The following HSPG2 variants were observed in gnomAD, a reference collection of about 807,000 sequenced individuals.
The protein encoded by HSPG2 is basement membrane-specific heparan sulfate proteoglycan core protein.
A neutral mutation model predicts 526.6 loss-of-function variants in HSPG2; 278 were observed. The observed-to-expected ratio is 0.53, with a 90% confidence interval of 0.48 to 0.58. The LOEUF is 0.58. Ranked by LOEUF, HSPG2 falls within the 20% of genes least tolerant of loss-of-function variation. HSPG2 has a pLI of 0.00. For missense variants in HSPG2, 5,354 were observed against 6,099.5 expected, an observed-to-expected ratio of 0.88 and a Z score of 4.07; for synonymous variants, 2,465 against 2,555.4, an observed-to-expected ratio of 0.96 and a Z score of 1.07.
chr1:21,829,279 C>T (rs891376306), intron 87 of HSPG2, 104 bp downstream of exon 87: 11 of 1,417,904 alleles, frequency 7.8e-6, no homozygotes, highest in African/African-American at 1.4e-5. Flanking sequence ...GGGGACTTGC[C>T]CTGATCCCTG....
chr1:21,908,944 T>C (rs1643522898), intron 1 of HSPG2, among the ~76,000 whole-genome samples: 1 of 152,036 alleles, frequency 6.6e-6, no homozygotes, highest in Non-Finnish European at 1.5e-5. Context: ...CCGTCTCTAC[T>C]AAAAAATACA....
Position 21,872,749 on chromosome 1 carries a change from T to C in HSPG2, c.3900A>G (p.Glu1300=), listed in dbSNP as rs1396397884. The change falls in exon 32 of 97, where the codon GAA becomes GAG. Residue 1300 remains glutamate, a synonymous_variant. Coordinates refer to ENST00000374695, the MANE Select transcript of HSPG2 (RefSeq NM_005529.7). The surrounding 1 kb of genome is among the most constrained non-coding windows in gnomAD (Gnocchi z 5.5). The part of the protein sequence containing the change: ...AGQCQCKAQV[E]GLTCSHCRPH... The stretch of plus-strand genomic sequence containing the variant: ...GCCGGCAGTGGCTGCAAGTGAGGCC[T>C]TCCACCTGGGCCTGGGTAGACGGAT... 6 of 1,609,278 alleles carry C rather than the reference T, an allele frequency of 3.7e-6. No homozygotes were observed. The highest frequency in any genetic ancestry group is 3.4e-6 in the Non-Finnish European group (4 of 1,178,574).
At position 21,827,044 on chromosome 1, in the gene HSPG2, C is replaced by T. The variant is rs559880142; in HGVS notation, c.12589+819G>A. ...CCAACATGGTGAAACCCCATCCCTA[C>T]AAAAAATACAAAAATTAGCGGGGTG... On this transcript the variant is annotated intron_variant, in intron 91 of 96. Coordinates refer to ENST00000374695, the MANE Select transcript of HSPG2 (RefSeq NM_005529.7). Among the ~76,000 whole-genome samples the T allele has an allele frequency of 1.7e-3, 259 of 151,906 alleles. 1 individual carries two copies. The highest frequency in any genetic ancestry group is 4.8e-3 in the African/African-American group (201 of 41,450).
At chr1:21,910,561 A>G (rs115215156) in intron 1 of HSPG2, among the ~76,000 whole-genome samples, 235 of 152,356 alleles carry the variant, frequency 1.5e-3, no homozygotes, top group African/African-American at 5.4e-3. Flanking sequence ...TAGGATGAGT[A>G]GTGTCTCTCC....
chr1:21,889,561 G>A (rs1332131165), intron 6 of HSPG2, among the ~76,000 whole-genome samples: 1 of 150,532 alleles, frequency 6.6e-6, no homozygotes, highest in African/African-American at 2.5e-5. Flanking sequence ...CTGGGCCTCA[G>A]TTCCCTCGTC....
Position 21,887,625 on chromosome 1 carries a change from C to G in HSPG2, c.753G>C (p.Thr251=), listed in dbSNP as rs373509276. Residue 251 remains threonine, a synonymous_variant, in exon 8 of 97, where the codon ACG becomes ACC. Transcript: ENST00000374695. The surrounding 1 kb of genome is among the most constrained non-coding windows in gnomAD (Gnocchi z 5.0). ...ISPTFSLLVE[T]TSLPPRPETT... is the part of the protein sequence containing the mutation. ...TCTCTGGCCGGGGCGGTAAAGATGT[C>G]GTCTCCACAAGGAGAGAGAATGTGG... 23 of 1,613,840 alleles carry G rather than the reference C, an allele frequency of 1.4e-5. No individual in the cohort carries two copies. In the African/African-American group the frequency reaches 2.8e-4, roughly 20 times the overall value.
intron 69 of HSPG2, 25 bp from the exon 70 acceptor site, chr1:21,841,698 G>C: frequency 6.2e-7 from 1 of 1,613,716 alleles, no homozygotes; most frequent in Non-Finnish European, 8.5e-7. Context: ...GGGGGAGGGT[G>C]AGAGAGGATT....
Position 21,859,962 on chromosome 1 carries a change from T to G in HSPG2, c.5055A>C (p.Arg1685=). ...GGGAGCCACCTTGGGGCACTATGCTTCGAGCAGGATGGACCTCGACCACCA... is the reference window on the plus strand; with the variant it reads ...GGGAGCCACCTTGGGGCACTATGCTGCGAGCAGGATGGACCTCGACCACCA... ...APLVVEVHPA[R]SIVPQGGSHS... is the part of the protein sequence containing the mutation. The change falls in exon 41 of 97, where the codon CGA becomes CGC. Residue 1685 remains arginine, a synonymous_variant. Transcript: ENST00000374695. The surrounding 1 kb of genome is among the most constrained non-coding windows in gnomAD (Gnocchi z 5.3). 2.5e-6 allele frequency: 4 copies of G among 1,610,926 alleles called. No individual in the cohort carries two copies. The highest frequency in any genetic ancestry group is 2.5e-6 in the Non-Finnish European group (3 of 1,179,468).
At chr1:21,909,826 G>T (rs1643569558) in intron 1 of HSPG2, among the ~76,000 whole-genome samples, 1 of 152,218 alleles carries the variant, frequency 6.6e-6, no homozygotes, top group Non-Finnish European at 1.5e-5. Context: ...AAGGGCCTGG[G>T]CTAGGCCCAC....
At chr1:21,881,580 G>C in intron 13 of HSPG2, 78 bp from the exon 14 acceptor site, 1 of 1,244,784 alleles carries the variant, frequency 8.0e-7, no homozygotes, top group Admixed American at 1.9e-5. Context: ...CAGCAATCCA[G>C]AAAGGTGGGA....
chr1:21,850,601 C>T (rs1638817187), intron 55 of HSPG2, 103 bp from the exon 56 acceptor site: 1 of 1,345,232 alleles, frequency 7.4e-7, no homozygotes, highest in South Asian at 1.5e-5. Flanking sequence ...GCCATCAGCT[C>T]TGGATCAGTT....
At chr1:21,896,344 C>T in intron 1 of HSPG2, 34 bp from the exon 2 acceptor site, 1 of 1,608,082 alleles carries the variant, frequency 6.2e-7, no homozygotes, top group Non-Finnish European at 8.5e-7. Flanking sequence ...GAGTCACTCT[C>T]TCCAGCTCCC....
Position 21,874,395 on chromosome 1 carries a change from A to C in HSPG2, c.3656+11T>G. 1 of 1,611,100 alleles carries C rather than the reference A, an allele frequency of 6.2e-7. No individual in the cohort carries two copies. The highest frequency in any genetic ancestry group is 8.5e-7 in the Non-Finnish European group (1 of 1,179,602). ...CAGGGAAGGGCAGGTGCAGGCAGGG[A>C]CTGGACGCACTGGCCGGCAGCAGGG... On this transcript the variant is annotated intron_variant, in intron 28 of 96. Coordinates refer to ENST00000374695, the MANE Select transcript of HSPG2 (RefSeq NM_005529.7).
intron 79 of HSPG2, 25 bp from the exon 80 acceptor site, chr1:21,833,409 G>C: frequency 1.9e-6 from 3 of 1,614,028 alleles, no homozygotes; most frequent in Non-Finnish European, 2.5e-6. Context: ...CACAGCTGAA[G>C]ACCCTGCCAG....
In HSPG2 at chr1:21,847,938, C is replaced by T. The variant is rs752702821; in HGVS notation, c.7873+20G>A. The T allele has an allele frequency of 1.7e-5, 28 of 1,613,706 alleles. No individual in the cohort carries two copies. Among genetic ancestry groups the T allele is most frequent in the Non-Finnish European group, 8.5e-6 (10 of 1,180,024 alleles). ...CCCTCTGCGCCACTTGTCTGTACCC[C>T]CTGCCCTCTCTGCTCTCACCGTGGG... On this transcript the variant is annotated intron_variant, in intron 60 of 96. Coordinates refer to ENST00000374695, the MANE Select transcript of HSPG2 (RefSeq NM_005529.7). The surrounding 1 kb of genome is among the most constrained non-coding windows in gnomAD (Gnocchi z 4.1).
In HSPG2 at chr1:21,873,016, G is replaced by A; in HGVS notation, c.3869C>T (p.Ala1290Val). The change falls in exon 31 of 97, where the codon GCT becomes GTT. Residue 1290 changes from alanine to valine, a missense_variant. By Grantham distance (64) the Ala-to-Val change is moderately conservative. Coordinates refer to ENST00000374695, the MANE Select transcript of HSPG2 (RefSeq NM_005529.7). ...QGSVSSQCDA[A>V]GQCQCKAQVE... is the part of the protein sequence containing the mutation. ...ACTGACCTTGCACTGGCACTGACCA[G>A]CAGCATCACACTGGCTGCTGACGCT... 2 of 1,609,958 alleles carry A rather than the reference G, an allele frequency of 1.2e-6. No individual in the cohort carries two copies. Among genetic ancestry groups the A allele is most frequent in the Non-Finnish European group, 1.7e-6 (2 of 1,179,882 alleles).
intron 2 of HSPG2, 45 bp from the exon 3 acceptor site, chr1:21,896,011 T>G: frequency 1.2e-6 from 2 of 1,607,080 alleles, no homozygotes; most frequent in Non-Finnish European, 1.7e-6. Flanking sequence ...AAGTATTTGT[T>G]GAGTACCTAC....
chr1:21,855,346 G>A lies in HSPG2; in HGVS notation c.5955C>T (p.Ala1985=). 1 of 1,609,936 alleles carries A rather than the reference G, an allele frequency of 6.2e-7. No homozygotes were observed. The highest frequency in any genetic ancestry group is 8.5e-7 in the Non-Finnish European group (1 of 1,178,784). Residue 1985 remains alanine (A), a synonymous_variant, in exon 47 of 97, where the codon GCC becomes GCT. Transcript: ENST00000374695. Reference sequence around the variant, plus strand: ...CCCCTTCCTTCCTCCAGGTGATGGTGGCGCTAGGCACGCCTGCAGCCCTGC... The same window carrying A: ...CCCCTTCCTTCCTCCAGGTGATGGTAGCGCTAGGCACGCCTGCAGCCCTGC... The part of the protein sequence containing the change: ...LYCRAAGVPS[A]TITWRKEGGS...
At position 21,890,552 on chromosome 1, in the gene HSPG2, A is replaced by G. The variant is rs767318459; in HGVS notation, c.354+33T>C. On this transcript the variant is annotated intron_variant, in intron 4 of 96. Transcript: ENST00000374695. The surrounding 1 kb of genome is among the most constrained non-coding windows in gnomAD (Gnocchi z 4.1). ...CCCATCCTCGGTCCTGCCCCGCCACACCCGCGAGCTTCCCAAACCCCCTTC... is the reference window on the plus strand; with the variant it reads ...CCCATCCTCGGTCCTGCCCCGCCACGCCCGCGAGCTTCCCAAACCCCCTTC... The G allele has an allele frequency of 3.7e-6, 6 of 1,608,948 alleles. No homozygotes were observed. Among genetic ancestry groups the G allele is most frequent in the South Asian group, 1.1e-5 (1 of 90,972 alleles).
Sources: gnomAD v4.1 joint callset for allele counts (sites outside exome capture counted in the v4.1 genomes callset) on GRCh38, gnomAD v4.1.1 for gene constraint, Gnocchi (gnomAD v3.1) non-coding constraint, MANE v1.5 for transcripts, NCBI Gene and HGNC (gene_info 2026-07-23, HGNC 2026-07-21) for gene names.